Variants in SLC4A5 observed in about 807,000 individuals in gnomAD.
SLC4A5 encodes solute carrier family 4 member 5.
SLC4A5 carries 96 observed loss-of-function variants against 120.4 expected under a neutral mutation model. That is an observed-to-expected ratio of 0.80 (90% CI 0.68 to 0.94). The LOEUF (loss-of-function observed/expected upper bound fraction) is 0.94, where lower values mean the gene tolerates loss of function less well. SLC4A5 is among the 40% of genes least tolerant of loss of function. SLC4A5 has a pLI of 0.00. For missense variants in SLC4A5, 1,259 were observed against 1,459.5 expected (o/e 0.86, Z 2.24); for synonymous variants, 550 against 571.1 (o/e 0.96, Z 0.53).
At chr2:74,297,288 T>C (rs753009757) in intron 7 of SLC4A5, among the ~76,000 whole-genome samples, 1 of 152,166 alleles carries the variant, frequency 6.6e-6, no homozygotes, top group Non-Finnish European at 1.5e-5. Context: ...CCATGTGAGG[T>C]ATCTAATATC....
intron 19 of SLC4A5, among the ~76,000 whole-genome samples, chr2:74,244,007 T>C (rs990796642): frequency 3.9e-4 from 60 of 152,162 alleles, no homozygotes; most frequent in African/African-American, 1.4e-3. Context: ...AGTGAGAGTA[T>C]ACTATAGTAA....
At chr2:74,262,916 C>T (rs1394073702) in intron 10 of SLC4A5, among the ~76,000 whole-genome samples, 1 of 152,174 alleles carries the variant, frequency 6.6e-6, no homozygotes, top group Non-Finnish European at 1.5e-5. Context: ...ACCTACACGC[C>T]ACAGCATTTT....
intron 4 of SLC4A5, among the ~76,000 whole-genome samples, chr2:74,331,516 A>G (rs1558918052): frequency 6.6e-6 from 1 of 151,872 alleles, no homozygotes; most frequent in African/African-American, 2.4e-5. Context: ...TTATGCTGAT[A>G]AATGTGGAAG....
At chr2:74,235,119 A>C (rs1670228283) in exon 22 of SLC4A5, 1 of 1,614,030 alleles carries the variant, frequency 6.2e-7, no homozygotes, top group Non-Finnish European at 8.5e-7. Context: ...CACTGGGCAC[A>C]TGCAGCTTGG....
chr2:74,236,901 C>T (rs1338507900), intron 21 of SLC4A5, among the ~76,000 whole-genome samples: 1 of 152,106 alleles, frequency 6.6e-6, no homozygotes, highest in African/African-American at 2.4e-5. Flanking sequence ...CTTCATCTGT[C>T]TACCAATCTG....
intron 17 of SLC4A5, 27 bp from the exon 18 acceptor site, chr2:74,248,513 A>G: frequency 6.2e-7 from 1 of 1,612,732 alleles, no homozygotes; most frequent in Non-Finnish European, 8.5e-7. Flanking sequence ...TGTGTGGTTC[A>G]GCATAGGAAG....
In SLC4A5 at chr2:74,255,921, T is replaced by G. The variant is rs772806943; in HGVS notation, c.879A>C (p.Lys293Asn). Residue 293 changes from lysine to asparagine, a missense_variant, in exon 13 of 31, where the codon AAA becomes AAC. Transcript: ENST00000394019. The surrounding 1 kb of genome is among the most constrained non-coding windows in gnomAD (Gnocchi z 4.0). The stretch of plus-strand genomic sequence containing the variant: ...AGTCCTTGGGGATCTTCTTCATGAA[T>G]TTGTTTTTCCGCTGGACAGGGAGGG... 37 of 1,613,588 alleles carry G rather than the reference T, an allele frequency of 2.3e-5. No individual in the cohort carries two copies. Among genetic ancestry groups the G allele is most frequent in the Non-Finnish European group, 3.1e-5 (36 of 1,179,676 alleles).
chr2:74,282,282 A>G (rs1671837548), intron 8 of SLC4A5, among the ~76,000 whole-genome samples: 1 of 152,216 alleles, frequency 6.6e-6, no homozygotes, highest in African/African-American at 2.4e-5. Flanking sequence ...AGAGAGTAGA[A>G]AAGGGTGGAG....
intron 14 of SLC4A5, among the ~76,000 whole-genome samples, chr2:74,254,315 TG>T (rs1195013750): frequency 6.6e-6 from 1 of 152,188 alleles, no homozygotes; most frequent in Non-Finnish European, 1.5e-5. Context: ...AGCCTGGTGC[TG>T]GGTCTACCTT....
Position 74,255,932 on chromosome 2 carries a change from G to A in SLC4A5, c.868C>T (p.Arg290Trp), listed in dbSNP as rs777212298. The A allele has an allele frequency of 6.8e-6, 11 of 1,613,358 alleles. No homozygotes were observed. Among genetic ancestry groups the A allele is most frequent in the South Asian group, 2.2e-5 (2 of 91,042 alleles). ...ATCTTCTTCATGAATTTGTTTTTCC[G>A]CTGGACAGGGAGGGGAAACGAGATA... The change falls in exon 13 of 31, where the codon CGG (arginine) becomes TGG (tryptophan). Residue 290 changes from arginine to tryptophan, a missense_variant and splice_region_variant. By Grantham distance (101) the Arg-to-Trp change is moderately radical. Coordinates refer to ENST00000394019, the Ensembl canonical transcript of SLC4A5. This position sits in a 1 kb window ranked among gnomAD's most constrained non-coding sequence, Gnocchi z 4.0.
intron 16 of SLC4A5, 158 bp from the exon 17 acceptor site, chr2:74,250,675 G>T: frequency 1.2e-6 from 1 of 835,934 alleles, no homozygotes; most frequent in Non-Finnish European, 1.8e-6. Context: ...GGCCAGGGAT[G>T]AATTCCTGTA....
chr2:74,278,775 G>A (rs1192409397), intron 8 of SLC4A5, among the ~76,000 whole-genome samples: 1 of 152,216 alleles, frequency 6.6e-6, no homozygotes, highest in Non-Finnish European at 1.5e-5. Flanking sequence ...CAGAACACTA[G>A]ATCAGCAGAA....
chr2:74,252,284 C>A, exon 16 of SLC4A5: 1 of 1,612,126 alleles, frequency 6.2e-7, no homozygotes, highest in East Asian at 2.2e-5. Flanking sequence ...CCCGCCGCCA[C>A]TGCCACCACC....
chr2:74,268,581 T>C (rs1341669360), intron 8 of SLC4A5, among the ~76,000 whole-genome samples: 1 of 152,254 alleles, frequency 6.6e-6, no homozygotes, highest in African/African-American at 2.4e-5. Flanking sequence ...GGAACATCCT[T>C]GGTTCCTGCT....
chr2:74,262,118 C>T lies in SLC4A5; in HGVS notation c.811+19G>A, dbSNP rs758272341. On this transcript the variant is annotated intron_variant, in intron 11 of 30. Coordinates refer to ENST00000394019, the Ensembl canonical transcript of SLC4A5. ...CAGCCTGAATAAAGCTGCCACAGAG[C>T]GGCAGAGCACACACTCACACAGACG... 1.2e-5 allele frequency: 19 copies of T among 1,603,482 alleles called. No individual in the cohort carries two copies. In the East Asian group the frequency reaches 2.0e-4, roughly 17 times the overall value.
rs113994629 is a variant in SLC4A5 at position 74,265,026 on chromosome 2, G to A, written c.562+78C>T. 2.3e-3 allele frequency: 3,395 copies of A among 1,486,722 alleles called. 73 individuals carry two copies. In the African/African-American group the frequency reaches 0.042, roughly 18 times the overall value. The allele number at this position is 1,486,722 out of a possible 1,614,324, so 92.1% of individuals were successfully genotyped here. Reference sequence around the variant, plus strand: ...GAGACGGGCCGTCACACAGACTTGAGGGCAGGCATGAGGTCAGGGGAGCTG... The same window carrying A: ...GAGACGGGCCGTCACACAGACTTGAAGGCAGGCATGAGGTCAGGGGAGCTG... On this transcript the variant is annotated intron_variant, in intron 9 of 30. Transcript: ENST00000394019.
At chr2:74,236,353 T>C (rs552801798) in intron 21 of SLC4A5, among the ~76,000 whole-genome samples, 1 of 152,334 alleles carries the variant, frequency 6.6e-6, no homozygotes, top group Admixed American at 6.5e-5. Context: ...CTTTGTACTT[T>C]CAAGTGATAA....
chr2:74,334,005 C>T (rs983217866), intron 4 of SLC4A5, 22 bp downstream of exon 4: 2 of 152,172 alleles, frequency 1.3e-5, no homozygotes, highest in Admixed American at 1.3e-4. Context: ...AAGAAGTTCC[C>T]CACAGGCTGG....
At chr2:74,282,818 G>A (rs79150337) in intron 8 of SLC4A5, among the ~76,000 whole-genome samples, 2,104 of 152,302 alleles carry the variant, frequency 0.014, 28 homozygotes, top group Middle Eastern at 0.017. Context: ...TGTCCAGGGT[G>A]TGGAGAAGGC....
Sources: gnomAD v4.1 joint callset for allele counts (sites outside exome capture counted in the v4.1 genomes callset) on GRCh38, gnomAD v4.1.1 for gene constraint, Gnocchi (gnomAD v3.1) non-coding constraint, MANE v1.5 for transcripts, NCBI Gene and HGNC (gene_info 2026-07-23, HGNC 2026-07-21) for gene names.